The following CUBN variants were observed in gnomAD, a reference collection of about 807,000 sequenced individuals.
CUBN encodes cubilin, also known as 460 kDa receptor.
CUBN carries 282 observed loss-of-function variants against 405.3 expected under a neutral mutation model. The ratio of observed to expected loss-of-function variants is 0.70; its 90% confidence interval spans 0.63 to 0.77. CUBN has a LOEUF of 0.77. Among genes scored for constraint, CUBN ranks in the 30% least tolerant of loss-of-function variants. The pLI is 0.00. For synonymous variants in CUBN, 1,684 were observed against 1,617.0 expected, an observed-to-expected ratio of 1.04 and a Z score of -0.99; for missense variants, 4,514 against 4,475.2, an observed-to-expected ratio of 1.01 and a Z score of -0.25.
intron 40 of CUBN, among the ~76,000 whole-genome samples, chr10:16,931,610 A>C (rs955271018): frequency 3.3e-5 from 5 of 152,196 alleles, no homozygotes; most frequent in African/African-American, 1.2e-4. Context: ...AACTATTCCA[A>C]ATTCATCATC....
chr10:17,123,675 C>A lies in CUBN; in HGVS notation c.402G>T (p.Lys134Asn). 1 of 1,613,688 alleles carries A rather than the reference C, an allele frequency of 6.2e-7. No homozygotes were observed. ...TCTGGCAAGGATTGCTGCTGCAAAC[C>A]TTTTTGTCAACAGTCTGAAACAAAA... is the stretch of plus-strand genomic sequence containing the variant. ...FQGLQQTVDK[K>N]VCSSNPCQNG... The change falls in exon 5 of 67, where the codon AAG (lysine) becomes AAT (asparagine). Residue 134 changes from lysine to asparagine, a missense_variant. This residue lies in a region of CUBN where 1,448 missense variants were observed against 1,388.0 expected (regional missense o/e 1.04). Coordinates refer to ENST00000377833, the MANE Select transcript of CUBN (RefSeq NM_001081.4).
chr10:16,826,949 T>C (rs1222017690), intron 66 of CUBN, among the ~76,000 whole-genome samples: 1 of 152,214 alleles, frequency 6.6e-6, no homozygotes, highest in Admixed American at 6.5e-5. Flanking sequence ...TTTGAAATGT[T>C]TGTAAATTTC....
At chr10:17,060,341 G>A (rs573771261) in intron 22 of CUBN, among the ~76,000 whole-genome samples, 79 of 151,718 alleles carry the variant, frequency 5.2e-4, no homozygotes, top group African/African-American at 1.9e-3. Flanking sequence ...GGCTGGTCTC[G>A]AACTCCCGAT....
chr10:16,954,365 TG>T, intron 32 of CUBN, 23 bp downstream of exon 32: 1 of 1,613,946 alleles, frequency 6.2e-7, no homozygotes, highest in Non-Finnish European at 8.5e-7. Flanking sequence ...CTCTTGTGCC[TG>T]GGAAGATCCA....
At chr10:16,921,977 T>C (rs1212488091) in intron 43 of CUBN, among the ~76,000 whole-genome samples, 2 of 152,232 alleles carry the variant, frequency 1.3e-5, no homozygotes, top group Non-Finnish European at 2.9e-5. Context: ...TACCTGAGTC[T>C]GCTGATGACA....
rs566390107 is a variant in CUBN, at chr10:16,871,193, A to C, written c.9237-1340T>G. ...CAGGTGTCCACCACCATGCCTGGCT[A>C]TTTTTTTTAATTACATGTATATTTT... On this transcript the variant is annotated intron_variant, in intron 58 of 66. Transcript: ENST00000377833. Among the ~76,000 whole-genome samples the C allele has an allele frequency of 9.9e-5, 15 of 150,896 alleles. No individual in the cohort carries two copies. In the East Asian group the frequency reaches 1.8e-3, roughly 18 times the overall value.
chr10:16,847,748 G>A (rs149089896), intron 60 of CUBN, among the ~76,000 whole-genome samples: 2 of 152,222 alleles, frequency 1.3e-5, no homozygotes, highest in Non-Finnish European at 2.9e-5. Context: ...TTCAGTTACC[G>A]TAATTACTCT....
At chr10:17,085,895 T>C (rs1564509754) in intron 15 of CUBN, 136 bp from the exon 16 acceptor site, 1 of 778,542 alleles carries the variant, frequency 1.3e-6, no homozygotes, top group African/African-American at 1.7e-5. Flanking sequence ...CATCCAAATG[T>C]AACTCATGGC....
chr10:17,121,787 G>A (rs1380031003), intron 6 of CUBN: 1 of 152,180 alleles, frequency 6.6e-6, no homozygotes, highest in African/African-American at 2.4e-5. Context: ...ATATTGTTAT[G>A]TGGAAATTGA....
Position 16,966,255 on chromosome 10 carries a change from G to A in CUBN, c.4696-11707C>T, listed in dbSNP as rs116943915. Among the ~76,000 whole-genome samples, 466 of 152,276 alleles carry A rather than the reference G, an allele frequency of 3.1e-3. 2 individuals carry two copies. Among genetic ancestry groups the A allele is most frequent in the Non-Finnish European group, 4.1e-3 (278 of 68,024 alleles). ...GAACGTGCATGGGATTCCCAGCATG[G>A]CTCACTTAGCAGAATGGGTAACAAA... On this transcript the variant is annotated intron_variant, in intron 31 of 66. Coordinates refer to ENST00000377833, the MANE Select transcript of CUBN (RefSeq NM_001081.4).
chr10:16,883,711 A>G (rs1228062284), intron 56 of CUBN, among the ~76,000 whole-genome samples: 1 of 152,238 alleles, frequency 6.6e-6, no homozygotes, highest in East Asian at 1.9e-4. Context: ...GGCAAATATT[A>G]GGTGTGAATC....
intron 26 of CUBN, 132 bp downstream of exon 26, chr10:17,043,691 CAAGA>C: frequency 8.3e-7 from 1 of 1,207,846 alleles, no homozygotes; most frequent in South Asian, 1.2e-5. Flanking sequence ...CAGTTTGTTT[CAAGA>C]ATTTGAAGGC....
intron 41 of CUBN, 65 bp downstream of exon 41, chr10:16,928,092 A>T: frequency 6.4e-7 from 1 of 1,553,432 alleles, no homozygotes; most frequent in Non-Finnish European, 8.9e-7. Context: ...TTAGGAAGAG[A>T]GAAAGAGAGA....
At chr10:16,968,190 T>A (rs533501576) in intron 31 of CUBN, among the ~76,000 whole-genome samples, 2 of 152,204 alleles carry the variant, frequency 1.3e-5, no homozygotes, top group African/African-American at 2.4e-5. Context: ...AGGAAACACA[T>A]CATGGGTGGT....
At chr10:17,030,684 C>T (rs1290853846) in intron 27 of CUBN, among the ~76,000 whole-genome samples, 1 of 152,058 alleles carries the variant, frequency 6.6e-6, no homozygotes, top group African/African-American at 2.4e-5. Context: ...TTTGGGAAGC[C>T]GAGGTGTGTG....
chr10:16,882,985 G>C (rs1840705872), intron 56 of CUBN, among the ~76,000 whole-genome samples: 1 of 151,476 alleles, frequency 6.6e-6, no homozygotes, highest in Admixed American at 6.6e-5. Context: ...CTGTAGTCCA[G>C]CCTGGGCAAC....
Position 16,900,645 on chromosome 10 carries a change from G to A in CUBN, c.8390C>T (p.Thr2797Met), listed in dbSNP as rs749048435. 2.6e-5 allele frequency: 42 copies of A among 1,613,440 alleles called. No individual in the cohort carries two copies. The highest frequency in any genetic ancestry group is 2.0e-4 in the East Asian group (9 of 44,892). Reference sequence around the variant, plus strand: ...TTTACCTAAAGTTTGTGTGTTCCACGTAGCATAAAATCCACCACCTTGCAA... The same window carrying A: ...TTTACCTAAAGTTTGTGTGTTCCACATAGCATAAAATCCACCACCTTGCAA... ...HSLQGGGFYA[T>M]WNTQTLGCGG... The change falls in exon 53 of 67, where the codon ACG becomes ATG. Residue 2797 changes from threonine to methionine, a missense_variant. This residue lies in a region of CUBN where 1,186 missense variants were observed against 1,186.9 expected (regional missense o/e 1.00). Coordinates refer to ENST00000377833, the MANE Select transcript of CUBN (RefSeq NM_001081.4).
chr10:17,024,334 A>T (rs1834595238), intron 27 of CUBN, among the ~76,000 whole-genome samples: 1 of 152,224 alleles, frequency 6.6e-6, no homozygotes, highest in Non-Finnish European at 1.5e-5. Flanking sequence ...TCCCCTCAGT[A>T]GAAATCAACT....
At chr10:16,829,418 T>C (rs542235420) in intron 65 of CUBN, among the ~76,000 whole-genome samples, 24 of 150,578 alleles carry the variant, frequency 1.6e-4, no homozygotes, top group African/African-American at 5.6e-4. Flanking sequence ...CTTTCGATGG[T>C]GTAGAGATCT....
Sources: allele counts gnomAD v4.1 joint callset (sites outside exome capture counted in the v4.1 genomes callset), GRCh38; gene constraint gnomAD v4.1.1; regional missense constraint gnomAD v4.1.1; transcripts MANE v1.5; gene names NCBI Gene and HGNC (gene_info 2026-07-23, HGNC 2026-07-21).